Variants in AMPH observed in about 807,000 individuals in gnomAD.
AMPH encodes the protein amphiphysin, also known as amphiphysin (Stiff-Mann syndrome with breast cancer 128kD autoantigen).
AMPH carries 49 observed loss-of-function variants against 99.1 expected under a neutral mutation model. The ratio of observed to expected loss-of-function variants is 0.49; its 90% confidence interval spans 0.39 to 0.63. The LOEUF is 0.63. Among genes scored for constraint, AMPH ranks in the 20% least tolerant of loss-of-function variants. The probability of loss-of-function intolerance (pLI) is 0.00; values close to 1 mark genes in which losing one functional copy is unlikely to be tolerated. For missense variants in AMPH, 759 were observed against 863.4 expected (o/e 0.88, Z 1.52); for synonymous variants, 314 against 317.3 (o/e 0.99, Z 0.11).
intron 11 of AMPH, among the ~76,000 whole-genome samples, chr7:38,441,656 G>A (rs1023022796): frequency 6.6e-6 from 1 of 150,800 alleles, no homozygotes; most frequent in African/African-American, 2.4e-5. Flanking sequence ...TGCGTTTGTC[G>A]CAGCAATATT....
intron 3 of AMPH, 54 bp downstream of exon 3, chr7:38,503,596 T>A: frequency 6.4e-7 from 1 of 1,570,910 alleles, no homozygotes; most frequent in South Asian, 1.1e-5. Flanking sequence ...CACTCATGAA[T>A]TCCAAGAACA....
chr7:38,502,238 A>G (rs778127873), intron 3 of AMPH, among the ~76,000 whole-genome samples: 3 of 152,200 alleles, frequency 2.0e-5, no homozygotes, highest in Non-Finnish European at 2.9e-5. Context: ...CTGCCTTGCA[A>G]GTAACCCTTA....
At chr7:38,577,482 G>GT (rs1792289343) in intron 1 of AMPH, among the ~76,000 whole-genome samples, 1 of 152,168 alleles carries the variant, frequency 6.6e-6, no homozygotes, top group Non-Finnish European at 1.5e-5. Context: ...TTTGATTAGC[G>GT]TAAGTTGACT....
At chr7:38,573,610 G>A (rs2129053162) in intron 1 of AMPH, among the ~76,000 whole-genome samples, 1 of 152,272 alleles carries the variant, frequency 6.6e-6, no homozygotes, top group African/African-American at 2.4e-5. Flanking sequence ...ATACAATACA[G>A]ACTTCTAATG....
Position 38,383,890 on chromosome 7 carries a change from T to A in AMPH, c.*928A>T, listed in dbSNP as rs1381270628. 2.0e-5 allele frequency: 3 copies of A among 152,642 alleles called. No homozygotes were observed. Among genetic ancestry groups the A allele is most frequent in the Non-Finnish European group, 4.4e-5 (3 of 68,042 alleles). 9.5% of individuals were successfully genotyped at this position (152,642 alleles called of 1,614,324 possible). A position where few individuals can be genotyped will look rare whatever the true frequency, so the allele number is the denominator to read the frequency against. ...AGGAGCTGTTTTTATAGTGTTCTTT[T>A]GGGGGTAGATGAATATGCCCCATCT... is the stretch of plus-strand genomic sequence containing the variant. On this transcript the variant is annotated 3_prime_UTR_variant, in exon 21 of 21. Transcript: ENST00000356264.
At chr7:38,594,497 G>A (rs1792977979) in intron 1 of AMPH, among the ~76,000 whole-genome samples, 2 of 152,132 alleles carry the variant, frequency 1.3e-5, no homozygotes, top group South Asian at 2.1e-4. Context: ...GTGAGGTCTT[G>A]GTTATTGTCC....
chr7:38,422,554 G>GTATCTATCTATCTATC (rs57006229), intron 15 of AMPH, 77 bp from the exon 16 acceptor site: 190 of 785,084 alleles, frequency 2.4e-4, no homozygotes, highest in East Asian at 5.2e-4. Context: ...GTCTGCCTAC[G>GTATCTATCTATCTATC]TATCTATCTA....
chr7:38,568,426 C>G (rs1299922266), intron 1 of AMPH, among the ~76,000 whole-genome samples: 1 of 152,126 alleles, frequency 6.6e-6, no homozygotes, highest in Non-Finnish European at 1.5e-5. Context: ...GATTGTGCCA[C>G]TGCACTCCAG....
At chr7:38,438,613 G>A (rs2128996948) in intron 11 of AMPH, among the ~76,000 whole-genome samples, 1 of 151,328 alleles carries the variant, frequency 6.6e-6, no homozygotes, top group East Asian at 1.9e-4. Context: ...AGCTCAAATG[G>A]GAATTTAGAG....
intron 1 of AMPH, among the ~76,000 whole-genome samples, chr7:38,586,874 T>C (rs1303846126): frequency 6.6e-6 from 1 of 152,164 alleles, no homozygotes; most frequent in Non-Finnish European, 1.5e-5. Context: ...GAAACAGAGG[T>C]TTAGAGAGAT....
At chr7:38,562,924 G>A (rs1327853722) in intron 1 of AMPH, among the ~76,000 whole-genome samples, 1 of 152,168 alleles carries the variant, frequency 6.6e-6, no homozygotes, top group Non-Finnish European at 1.5e-5. Context: ...GAATGTTTCT[G>A]TAAGTTCTCC....
intron 5 of AMPH, among the ~76,000 whole-genome samples, chr7:38,480,038 A>C (rs1024227951): frequency 1.7e-4 from 25 of 150,792 alleles, no homozygotes; most frequent in African/African-American, 6.1e-4. Flanking sequence ...GCTTTAAAAA[A>C]TTTGATATGG....
chr7:38,447,687 C>A (rs886836914), intron 11 of AMPH, among the ~76,000 whole-genome samples: 2 of 151,558 alleles, frequency 1.3e-5, no homozygotes, highest in African/African-American at 2.4e-5. Flanking sequence ...CTCAAAAAAA[C>A]CACTTAGAAG....
chr7:38,596,287 C>T (rs1274658026), intron 1 of AMPH, among the ~76,000 whole-genome samples: 1 of 152,206 alleles, frequency 6.6e-6, no homozygotes, highest in Non-Finnish European at 1.5e-5. Context: ...AGTTTGCTTA[C>T]AAGCAACCAG....
chr7:38,541,837 C>A (rs568516054), intron 1 of AMPH, among the ~76,000 whole-genome samples: 2 of 152,082 alleles, frequency 1.3e-5, no homozygotes, highest in African/African-American at 4.8e-5. Context: ...GAGGCAACTG[C>A]GAATTAGAAA....
chr7:38,417,615 C>T (rs567929050), intron 17 of AMPH, among the ~76,000 whole-genome samples: 2 of 152,194 alleles, frequency 1.3e-5, no homozygotes, highest in Non-Finnish European at 1.5e-5. Flanking sequence ...GTACAGTTTT[C>T]TTTAGATCAT....
chr7:38,390,430 A>C (rs1784455531), intron 19 of AMPH, among the ~76,000 whole-genome samples: 1 of 152,210 alleles, frequency 6.6e-6, no homozygotes, highest in Non-Finnish European at 1.5e-5. Flanking sequence ...GATTTCCTTA[A>C]AATTTTATTA....
At chr7:38,473,156 G>A (rs1162859879) in intron 7 of AMPH, among the ~76,000 whole-genome samples, 1 of 152,086 alleles carries the variant, frequency 6.6e-6, no homozygotes, top group East Asian at 1.9e-4. Flanking sequence ...TGAACACTGT[G>A]GTACCCAAGA....
At chr7:38,627,928 T>G (rs1308925358) in intron 1 of AMPH, among the ~76,000 whole-genome samples, 1 of 152,156 alleles carries the variant, frequency 6.6e-6, no homozygotes, top group East Asian at 1.9e-4. Context: ...AGCAGGATCC[T>G]GACTAATTCA....
Sources: allele counts gnomAD v4.1 joint callset (sites outside exome capture counted in the v4.1 genomes callset), GRCh38; gene constraint gnomAD v4.1.1; transcripts MANE v1.5; gene names NCBI Gene and HGNC (gene_info 2026-07-23, HGNC 2026-07-21).